Variants in PPARGC1A observed in about 807,000 individuals in gnomAD.
PPARGC1A encodes the protein peroxisome proliferator-activated receptor gamma coactivator 1-alpha.
PPARGC1A carries 25 observed loss-of-function variants against 88.7 expected under a neutral mutation model. That is an observed-to-expected ratio of 0.28 (90% CI 0.21 to 0.39). The LOEUF is 0.39. Among genes scored for constraint, PPARGC1A ranks in the 10% least tolerant of loss-of-function variants. The pLI is 1.00. For synonymous variants in PPARGC1A, 363 were observed against 355.6 expected (o/e 1.02, Z -0.24); for missense variants, 880 against 968.7 (o/e 0.91, Z 1.22).
At chr4:24,230,451 G>A in the PPARGC1A span, among the ~76,000 whole-genome samples, 1 of 151,926 alleles carries the variant, frequency 6.6e-6, no homozygotes. Context: ...AGGGAAGAGA[G>A]CACAAGAGAT....
chr4:23,895,999 C>CAT, intron 1 of PPARGC1A, among the ~76,000 whole-genome samples: 1 of 142,740 alleles, frequency 7.0e-6, no homozygotes, highest in African/African-American at 2.6e-5. Context: ...TATACACACA[C>CAT]ATATTTATAT....
intron 10 of PPARGC1A, among the ~76,000 whole-genome samples, chr4:23,809,299 TA>T (rs1176438570): frequency 2.6e-5 from 4 of 152,122 alleles, no homozygotes; most frequent in African/African-American, 4.8e-5. Context: ...AGGGAATCAA[TA>T]AAAAAAATTC....
At chr4:23,985,985 A>G in the PPARGC1A span, among the ~76,000 whole-genome samples, 1 of 151,980 alleles carries the variant, frequency 6.6e-6, no homozygotes, top group Non-Finnish European at 1.5e-5. Context: ...ATGACCCTTC[A>G]TCTCTTTAGA....
At chr4:24,401,585 C>T in the PPARGC1A span, among the ~76,000 whole-genome samples, 2 of 152,248 alleles carry the variant, frequency 1.3e-5, no homozygotes, top group East Asian at 1.9e-4. Context: ...AAGTTTGATG[C>T]TCAGTTTTTC....
the PPARGC1A span, among the ~76,000 whole-genome samples, chr4:24,175,004 C>T: frequency 6.6e-6 from 1 of 152,228 alleles, no homozygotes; most frequent in South Asian, 2.1e-4. Context: ...CAAATGTCTC[C>T]CAGGAATCTT....
the PPARGC1A span, among the ~76,000 whole-genome samples, chr4:24,304,679 A>C: frequency 1.8e-4 from 28 of 152,176 alleles, no homozygotes; most frequent in African/African-American, 6.5e-4. Flanking sequence ...CACTTGTTTC[A>C]CTGACCGAAT....
At chr4:24,157,968 T>C in the PPARGC1A span, among the ~76,000 whole-genome samples, 1 of 152,076 alleles carries the variant, frequency 6.6e-6, no homozygotes, top group Non-Finnish European at 1.5e-5. Context: ...CAACACACAC[T>C]GTCTTCCTTT....
At chr4:23,804,545 C>G (rs535888932) in intron 10 of PPARGC1A, among the ~76,000 whole-genome samples, 1 of 152,256 alleles carries the variant, frequency 6.6e-6, no homozygotes, top group Admixed American at 6.5e-5. Flanking sequence ...AATCCAATGA[C>G]GTCCATTAAC....
the PPARGC1A span, among the ~76,000 whole-genome samples, chr4:24,167,522 T>C: frequency 1.3e-5 from 2 of 152,206 alleles, no homozygotes; most frequent in Non-Finnish European, 2.9e-5. Context: ...CAGAAGGCAT[T>C]ACATGCTACA....
the PPARGC1A span, among the ~76,000 whole-genome samples, chr4:24,358,664 T>C: frequency 6.6e-6 from 1 of 152,254 alleles, no homozygotes. Flanking sequence ...ACATGGTCAC[T>C]AGCAATCCCT....
the PPARGC1A span, among the ~76,000 whole-genome samples, chr4:24,168,892 GCTGT>G: frequency 6.6e-6 from 1 of 152,220 alleles, no homozygotes; most frequent in Non-Finnish European, 1.5e-5. Context: ...ATCTAAATAT[GCTGT>G]CTTTGAGGCA....
chr4:23,811,352 G>A (rs1386059912), intron 10 of PPARGC1A, among the ~76,000 whole-genome samples: 1 of 152,108 alleles, frequency 6.6e-6, no homozygotes, highest in East Asian at 1.9e-4. Context: ...CCTAAGCCTT[G>A]GCTAGCTTAG....
At chr4:24,322,517 ATGTATCTG>A in the PPARGC1A span, among the ~76,000 whole-genome samples, 1 of 151,964 alleles carries the variant, frequency 6.6e-6, no homozygotes, top group East Asian at 1.9e-4. Flanking sequence ...TACCTCTTGG[ATGTATCTG>A]TGTATCCATG....
chr4:24,284,157 G>T, the PPARGC1A span, among the ~76,000 whole-genome samples: 6 of 151,450 alleles, frequency 4.0e-5, no homozygotes, highest in Non-Finnish European at 7.4e-5. Context: ...AAATTAGCTG[G>T]GCGTGGTGGG....
the PPARGC1A span, among the ~76,000 whole-genome samples, chr4:24,016,475 A>G: frequency 3.3e-5 from 5 of 152,230 alleles, no homozygotes; most frequent in East Asian, 5.8e-4. Flanking sequence ...CATCCATTAA[A>G]TGCTAAACAT....
chr4:24,066,186 C>T, the PPARGC1A span, among the ~76,000 whole-genome samples: 7 of 152,098 alleles, frequency 4.6e-5, no homozygotes, highest in South Asian at 2.1e-4. Flanking sequence ...CGAGGGAGGA[C>T]GACTGTCGCT....
the PPARGC1A span, among the ~76,000 whole-genome samples, chr4:24,399,791 C>CA: frequency 7.1e-6 from 1 of 141,620 alleles, no homozygotes; most frequent in East Asian, 2.1e-4. Flanking sequence ...AAGGAATCTC[C>CA]TTTTTTTTTT....
chr4:23,919,467 A>G, the PPARGC1A span, among the ~76,000 whole-genome samples: 1 of 151,050 alleles, frequency 6.6e-6, no homozygotes, highest in African/African-American at 2.5e-5. Flanking sequence ...ATGATTTTAC[A>G]CATCTTAGAA....
At chr4:23,901,605 C>T (rs1021089190), upstream of PPARGC1A, among the ~76,000 whole-genome samples, 1 of 150,662 alleles carries the variant, frequency 6.6e-6, no homozygotes, top group African/African-American at 2.4e-5. Flanking sequence ...TGCATGAAAA[C>T]TGACAAGACA....
Sources: gnomAD v4.1 joint callset for allele counts (sites outside exome capture counted in the v4.1 genomes callset) on GRCh38, gnomAD v4.1.1 for gene constraint, MANE v1.5 for transcripts, NCBI Gene and HGNC (gene_info 2026-07-23, HGNC 2026-07-21) for gene names.